Variants in SHB observed in about 807,000 individuals in gnomAD.
SHB encodes the protein SH2 domain-containing adapter protein B.
SHB carries 20 observed loss-of-function variants against 52.3 expected under a neutral mutation model. The observed-to-expected ratio is 0.38, with a 90% CI of 0.27 to 0.56. The LOEUF is 0.56. Among genes scored for constraint, SHB ranks in the 20% least tolerant of loss-of-function variants. The pLI is 0.71. For missense variants in SHB, 825 were observed against 723.3 expected, an observed-to-expected ratio of 1.14 and a Z score of -1.61; for synonymous variants, 397 against 316.5, an observed-to-expected ratio of 1.25 and a Z score of -2.70.
At chr9:37,997,000 A>C (rs984964871) in intron 2 of SHB, among the ~76,000 whole-genome samples, 1 of 152,156 alleles carries the variant, frequency 6.6e-6, no homozygotes, top group Non-Finnish European at 1.5e-5. Flanking sequence ...GATTTCAATG[A>C]GCTCAATAGT....
chr9:38,040,072 A>G (rs1025389036), intron 1 of SHB, among the ~76,000 whole-genome samples: 6 of 152,222 alleles, frequency 3.9e-5, no homozygotes, highest in African/African-American at 1.4e-4. Context: ...TCCTCCTCAG[A>G]AATTAGTACA....
rs750435964 is a variant in SHB at position 37,918,917 on chromosome 9, TC to T, written c.*903del. Among the ~76,000 whole-genome samples the T allele has an allele frequency of 1.7e-4, 26 of 152,140 alleles. No individual in the cohort carries two copies. The highest frequency in any genetic ancestry group is 3.4e-4 in the Non-Finnish European group (23 of 68,014). On this transcript the variant is annotated 3_prime_UTR_variant, in exon 6 of 6. Transcript: ENST00000377707. ...CCTGAACTCTGAGCTCTGGGTTGAC[TC>T]CCAGAGTGCTACCGACTGCCTCAGC...
chr9:37,987,649 G>C (rs1587230973), intron 2 of SHB, among the ~76,000 whole-genome samples: 2 of 152,324 alleles, frequency 1.3e-5, no homozygotes, highest in East Asian at 1.9e-4. Flanking sequence ...GTAATCTCAG[G>C]CTCCCTGCCC....
At chr9:37,952,232 G>A (rs1397712084) in intron 4 of SHB, among the ~76,000 whole-genome samples, 2 of 152,222 alleles carry the variant, frequency 1.3e-5, no homozygotes, top group Non-Finnish European at 2.9e-5. Flanking sequence ...AGTGACTGGG[G>A]CTGTATGAGA....
At chr9:38,007,809 A>G (rs993218263) in intron 2 of SHB, among the ~76,000 whole-genome samples, 1 of 152,142 alleles carries the variant, frequency 6.6e-6, no homozygotes, top group Admixed American at 6.5e-5. Context: ...CTAAATAATG[A>G]CAAGTGTTAA....
intron 5 of SHB, among the ~76,000 whole-genome samples, chr9:37,927,589 T>C (rs1832265275): frequency 6.6e-6 from 1 of 152,214 alleles, no homozygotes; most frequent in South Asian, 2.1e-4. Context: ...AGGCTCGTTT[T>C]AGCACACAAA....
At chr9:37,931,920 T>C (rs192036208) in intron 5 of SHB, among the ~76,000 whole-genome samples, 1 of 152,294 alleles carries the variant, frequency 6.6e-6, no homozygotes, top group East Asian at 1.9e-4. Flanking sequence ...AAAGATCTTG[T>C]CATTCACCAC....
chr9:38,053,562 C>T (rs1821779084), intron 1 of SHB, among the ~76,000 whole-genome samples: 1 of 152,078 alleles, frequency 6.6e-6, no homozygotes, highest in African/African-American at 2.4e-5. Flanking sequence ...ATAGAACTTG[C>T]CTCCTATGGG....
At chr9:38,048,499 T>C (rs1183881168) in intron 1 of SHB, among the ~76,000 whole-genome samples, 1 of 152,102 alleles carries the variant, frequency 6.6e-6, no homozygotes, top group African/African-American at 2.4e-5. Context: ...CTGGGCATGG[T>C]GGTGAGTGCC....
chr9:38,061,048 C>T (rs1196021855), intron 1 of SHB, among the ~76,000 whole-genome samples: 2 of 152,136 alleles, frequency 1.3e-5, no homozygotes, highest in African/African-American at 4.8e-5. Flanking sequence ...AAATGCACAA[C>T]CTTCTGGGCA....
At chr9:37,989,202 CTTGTCTGT>C (rs368047679) in intron 2 of SHB, among the ~76,000 whole-genome samples, 327 of 152,270 alleles carry the variant, frequency 2.1e-3, no homozygotes, top group African/African-American at 7.3e-3. Context: ...AGACTAGCTG[CTTGTCTGT>C]TTCTCTTCTT....
intron 3 of SHB, among the ~76,000 whole-genome samples, chr9:37,963,846 A>G (rs938419247): frequency 3.3e-5 from 5 of 152,198 alleles, no homozygotes; most frequent in Non-Finnish European, 7.3e-5. Flanking sequence ...TCACATGACA[A>G]TGGGCCTCTG....
intron 1 of SHB, among the ~76,000 whole-genome samples, chr9:38,030,229 G>A (rs952964429): frequency 6.6e-6 from 1 of 152,200 alleles, no homozygotes; most frequent in South Asian, 2.1e-4. Flanking sequence ...GCCTGGGGCA[G>A]GGGACCCCAG....
At chr9:38,050,916 C>A (rs944952483) in intron 1 of SHB, among the ~76,000 whole-genome samples, 1 of 152,076 alleles carries the variant, frequency 6.6e-6, no homozygotes, top group Non-Finnish European at 1.5e-5. Context: ...CAAAAAAGAA[C>A]GTGCCTTCAC....
intron 2 of SHB, among the ~76,000 whole-genome samples, chr9:37,999,652 G>A (rs761168973): frequency 1.3e-4 from 20 of 152,152 alleles, no homozygotes; most frequent in Non-Finnish European, 2.6e-4. Context: ...AAAGGCAGCC[G>A]AGGCAGCAGC....
chr9:37,919,812 C>A lies in SHB; in HGVS notation c.*9G>T. The A allele has an allele frequency of 1.2e-6, 2 of 1,611,934 alleles. No individual in the cohort carries two copies. Among genetic ancestry groups the A allele is most frequent in the South Asian group, 1.1e-5 (1 of 90,960 alleles). ...GGCTCTGTCACAGAGCAGGGCAGGT[C>A]TGGTCCGCTCACAGGGTCCTCACAG... On this transcript the variant is annotated 3_prime_UTR_variant, in exon 6 of 6. Coordinates refer to ENST00000377707, the MANE Select transcript of SHB (RefSeq NM_003028.3).
intron 1 of SHB, among the ~76,000 whole-genome samples, chr9:38,022,661 A>G (rs1341677642): frequency 6.6e-6 from 1 of 152,208 alleles, no homozygotes; most frequent in Non-Finnish European, 1.5e-5. Context: ...TGATGTCCAC[A>G]GGAAGGAGGC....
intron 5 of SHB, among the ~76,000 whole-genome samples, chr9:37,937,466 G>GA (rs111668966): frequency 0.023 from 3,132 of 137,238 alleles, 40 homozygotes; most frequent in African/African-American, 0.043. Flanking sequence ...AAAAAGATAA[G>GA]AAAAAAAAAA....
At chr9:38,042,288 A>AG (rs1821595119) in intron 1 of SHB, among the ~76,000 whole-genome samples, 1 of 152,258 alleles carries the variant, frequency 6.6e-6, no homozygotes, top group Non-Finnish European at 1.5e-5. Context: ...ATGTACTAGT[A>AG]GATCCAGAAA....
Sources: allele counts gnomAD v4.1 joint callset (sites outside exome capture counted in the v4.1 genomes callset), GRCh38; gene constraint gnomAD v4.1.1; transcripts MANE v1.5; gene names NCBI Gene and HGNC (gene_info 2026-07-23, HGNC 2026-07-21).